The following RBFOX3 variants were observed in gnomAD, a reference collection of about 807,000 sequenced individuals.
RBFOX3 encodes RNA binding protein fox-1 homolog 3.
In RBFOX3, 17 loss-of-function variants were observed where a neutral mutation model predicts 48.7. That is an observed-to-expected ratio of 0.35 (90% CI 0.24 to 0.52). RBFOX3 has a LOEUF of 0.52. Ranked by LOEUF, RBFOX3 falls within the 20% of genes least tolerant of loss-of-function variation. The pLI, the probability that RBFOX3 is intolerant of heterozygous loss-of-function variation, is 0.94. For missense variants in RBFOX3, 382 were observed against 497.5 expected, an observed-to-expected ratio of 0.77 and a Z score of 2.21; for synonymous variants, 212 against 209.5, an observed-to-expected ratio of 1.01 and a Z score of -0.10.
intron 1 of RBFOX3, among the ~76,000 whole-genome samples, chr17:79,498,954 A>G (rs1254290797): frequency 6.6e-6 from 1 of 151,342 alleles, no homozygotes; most frequent in Non-Finnish European, 1.5e-5. Flanking sequence ...CCACCCATGC[A>G]TCCACTCATG....
chr17:79,541,377 G>A (rs948011941), intron 1 of RBFOX3, among the ~76,000 whole-genome samples: 7 of 152,200 alleles, frequency 4.6e-5, no homozygotes, highest in African/African-American at 1.7e-4. Flanking sequence ...AACAGGGAGC[G>A]TGGAAGAGGA....
intron 4 of RBFOX3, among the ~76,000 whole-genome samples, chr17:79,138,839 G>GCA (rs2041161909): frequency 2.0e-4 from 12 of 60,276 alleles, no homozygotes; most frequent in South Asian, 6.0e-4. Flanking sequence ...CCACACACAT[G>GCA]CACACAGCAC....
chr17:79,356,383 TTTTGAG>T (rs2085126557), intron 2 of RBFOX3, among the ~76,000 whole-genome samples: 1 of 109,862 alleles, frequency 9.1e-6, no homozygotes, highest in African/African-American at 4.0e-5. Context: ...TTTTTTTTTT[TTTTGAG>T]GAGGAGTCTC....
intron 2 of RBFOX3, among the ~76,000 whole-genome samples, chr17:79,430,244 G>T (rs2068169812): frequency 6.6e-6 from 1 of 151,564 alleles, no homozygotes; most frequent in Non-Finnish European, 1.5e-5. Flanking sequence ...ATTCTTAGGA[G>T]AGTGAACCTG....
chr17:79,387,590 C>T (rs1368072921), intron 2 of RBFOX3, among the ~76,000 whole-genome samples: 1 of 152,232 alleles, frequency 6.6e-6, no homozygotes, highest in African/African-American at 2.4e-5. Context: ...GGCTTCTCCC[C>T]CAAGCCAAAT....
chr17:79,359,451 C>T (rs1321992727), intron 2 of RBFOX3, among the ~76,000 whole-genome samples: 1 of 152,234 alleles, frequency 6.6e-6, no homozygotes, highest in Admixed American at 6.5e-5. Context: ...CATCCTCCCC[C>T]ACAAATTCCA....
intron 2 of RBFOX3, among the ~76,000 whole-genome samples, chr17:79,354,082 C>T (rs2084494650): frequency 6.6e-6 from 1 of 152,200 alleles, no homozygotes; most frequent in Admixed American, 6.5e-5. Context: ...CCTGCCCTCC[C>T]CATGACATGC....
At chr17:79,517,412 A>G (rs1413099636) in intron 1 of RBFOX3, among the ~76,000 whole-genome samples, 1 of 147,122 alleles carries the variant, frequency 6.8e-6, no homozygotes, top group African/African-American at 2.5e-5. Flanking sequence ...GCCACTGCAC[A>G]TCAGCCTGGA....
chr17:79,124,069 T>C (rs906627798), intron 4 of RBFOX3, among the ~76,000 whole-genome samples: 2 of 152,214 alleles, frequency 1.3e-5, no homozygotes, highest in African/African-American at 4.8e-5. Flanking sequence ...TGAGTTGGCA[T>C]GGAGGTGGCG....
intron 1 of RBFOX3, among the ~76,000 whole-genome samples, chr17:79,532,080 C>T (rs904244414): frequency 1.3e-5 from 2 of 152,206 alleles, no homozygotes; most frequent in Non-Finnish European, 1.5e-5. Context: ...ATGACCCTGC[C>T]GTGGATTCTT....
Position 79,477,078 on chromosome 17 carries a change from C to CA in RBFOX3, c.-175+5375dup, listed in dbSNP as rs2077906061. On this transcript the variant is annotated intron_variant, in intron 2 of 14. Coordinates refer to ENST00000693108, the MANE Select transcript of RBFOX3 (RefSeq NM_001350451.2). The surrounding 1 kb of genome is among the most constrained non-coding windows in gnomAD (Gnocchi z 4.8). ...TGAAACCCCGTCTCTACTAAAAATA[C>CA]AAAAATTAGCCAGGCGTGGTGGTGG... Among the ~76,000 whole-genome samples, 1 of 150,908 alleles carries CA rather than the reference C, an allele frequency of 6.6e-6. No homozygotes were observed. Among genetic ancestry groups the CA allele is most frequent in the Non-Finnish European group, 1.5e-5 (1 of 67,760 alleles).
chr17:79,344,540 A>ATTATTTATTTAT (rs35977736), intron 2 of RBFOX3, among the ~76,000 whole-genome samples: 24,133 of 147,268 alleles, frequency 0.16, 2,046 homozygotes, highest in Middle Eastern at 0.2. Flanking sequence ...ACTTTGTTTG[A>ATTATTTATTTAT]TTATTTATTT....
At chr17:79,359,081 A>G (rs1408817893) in intron 2 of RBFOX3, among the ~76,000 whole-genome samples, 1 of 152,198 alleles carries the variant, frequency 6.6e-6, no homozygotes, top group East Asian at 1.9e-4. Context: ...CCATCAACAC[A>G]TCCTGTAATC....
At chr17:79,546,132 T>C (rs1304421006) in intron 1 of RBFOX3, among the ~76,000 whole-genome samples, 2 of 152,228 alleles carry the variant, frequency 1.3e-5, no homozygotes, top group African/African-American at 4.8e-5. Flanking sequence ...ATAGCCACAG[T>C]CTGGACCCCA....
chr17:79,371,370 C>T (rs1307413503), intron 2 of RBFOX3, among the ~76,000 whole-genome samples: 1 of 152,226 alleles, frequency 6.6e-6, no homozygotes, highest in African/African-American at 2.4e-5. Flanking sequence ...CAGAGGAGCC[C>T]AGGGCTTCCG....
rs912237976 is a variant in RBFOX3 at position 79,299,914 on chromosome 17, T to A, written c.-74+7810A>T. ...AAGGAATCTGCCGACACTCTTTTTTTTTTTTTTTGAGACAGTGTCTCGCTC... is the reference window on the plus strand; with the variant it reads ...AAGGAATCTGCCGACACTCTTTTTTATTTTTTTTGAGACAGTGTCTCGCTC... On this transcript the variant is annotated intron_variant, in intron 3 of 14. Coordinates refer to ENST00000693108, the MANE Select transcript of RBFOX3 (RefSeq NM_001350451.2). The surrounding 1 kb of genome is among the most constrained non-coding windows in gnomAD (Gnocchi z 4.5). Among the ~76,000 whole-genome samples, 1 of 152,020 alleles carries A rather than the reference T, an allele frequency of 6.6e-6. No individual in the cohort carries two copies. Among genetic ancestry groups the A allele is most frequent in the Non-Finnish European group, 1.5e-5 (1 of 67,948 alleles).
chr17:79,544,752 C>A (rs1178897897), intron 1 of RBFOX3, among the ~76,000 whole-genome samples: 1 of 151,878 alleles, frequency 6.6e-6, no homozygotes, highest in Non-Finnish European at 1.5e-5. Flanking sequence ...GAAGCTCTTA[C>A]ATAACTCGGG....
intron 1 of RBFOX3, among the ~76,000 whole-genome samples, chr17:79,527,183 G>T (rs1241809911): frequency 3.9e-5 from 6 of 152,260 alleles, no homozygotes; most frequent in Admixed American, 1.3e-4. Flanking sequence ...CTTTAGCTCG[G>T]CTTGGTCTCC....
At chr17:79,165,483 G>A (rs1310937891) in intron 4 of RBFOX3, among the ~76,000 whole-genome samples, 2 of 152,174 alleles carry the variant, frequency 1.3e-5, no homozygotes, top group African/African-American at 4.8e-5. Flanking sequence ...TCCCTCTGGG[G>A]GACAGGTGGC....
Sources: gnomAD v4.1 joint callset for allele counts (sites outside exome capture counted in the v4.1 genomes callset) on GRCh38, gnomAD v4.1.1 for gene constraint, Gnocchi (gnomAD v3.1) non-coding constraint, MANE v1.5 for transcripts, NCBI Gene and HGNC (gene_info 2026-07-23, HGNC 2026-07-21) for gene names.